Variants in VAT1L observed in about 807,000 individuals in gnomAD.
VAT1L encodes the protein putative NADPH-dependent quinone oxidoreductase VAT1L.
In VAT1L, 34 loss-of-function variants were observed where a neutral mutation model predicts 44.1. The observed-to-expected ratio is 0.77, with a 90% CI of 0.59 to 1.03. VAT1L has a LOEUF of 1.03. Ranked by LOEUF, VAT1L falls within the 50% of genes least tolerant of loss-of-function variation. The pLI, the probability that VAT1L is intolerant of heterozygous loss-of-function variation, is 0.00. For synonymous variants in VAT1L, 253 were observed against 202.2 expected (o/e 1.25, Z -2.13); for missense variants, 615 against 538.8 (o/e 1.14, Z -1.40).
At position 77,788,729 on chromosome 16, in the gene VAT1L, T is replaced by C; in HGVS notation, c.47T>C (p.Ile16Thr). 2 of 1,558,152 alleles carry C rather than the reference T, an allele frequency of 1.3e-6. No individual in the cohort carries two copies. The highest frequency in any genetic ancestry group is 1.7e-6 in the Non-Finnish European group (2 of 1,150,498). Reference sequence around the variant, plus strand: ...AAGGCGGAGGAGACGGAGCAAATGATCGAGAAGGAGGCAGGCAAGGAGCCG... The same window carrying C: ...AAGGCGGAGGAGACGGAGCAAATGACCGAGAAGGAGGCAGGCAAGGAGCCG... ...VEKAEETEQM[I>T]EKEAGKEPAE... The change falls in exon 1 of 9, where the codon ATC becomes ACC. Residue 16 changes from isoleucine to threonine, a missense_variant. Physicochemically the swap from Ile to Thr is moderately conservative, Grantham distance 89 (BLOSUM62 -1). Transcript: ENST00000302536.
intron 2 of VAT1L, among the ~76,000 whole-genome samples, chr16:77,823,980 G>A (rs2016489461): frequency 6.6e-6 from 1 of 152,144 alleles, no homozygotes; most frequent in South Asian, 2.1e-4. Flanking sequence ...CTGAGATCGT[G>A]CCATTGCACT....
At chr16:77,910,015 T>G (rs994780716) in intron 7 of VAT1L, among the ~76,000 whole-genome samples, 1 of 152,200 alleles carries the variant, frequency 6.6e-6, no homozygotes, top group Non-Finnish European at 1.5e-5. Context: ...GAGGGCAGTT[T>G]TAGGAAACTT....
chr16:77,910,543 G>A lies in VAT1L; in HGVS notation c.1077+25741G>A, dbSNP rs116826429. Among the ~76,000 whole-genome samples the A allele has an allele frequency of 4.8e-3, 722 of 151,898 alleles. 5 individuals carry two copies. Among genetic ancestry groups the A allele is most frequent in the African/African-American group, 0.016 (668 of 41,444 alleles). On this transcript the variant is annotated intron_variant, in intron 7 of 8. Transcript: ENST00000302536. Reference sequence around the variant, plus strand: ...AAAAATATTAGCAGGGCATGGTGGCGGCTGCCTGCAGTCCTAGCTACTCGG... The same window carrying A: ...AAAAATATTAGCAGGGCATGGTGGCAGCTGCCTGCAGTCCTAGCTACTCGG...
At chr16:77,913,440 T>G (rs2017519224) in intron 7 of VAT1L, among the ~76,000 whole-genome samples, 1 of 151,868 alleles carries the variant, frequency 6.6e-6, no homozygotes, top group African/African-American at 2.4e-5. Context: ...CTTGTCAAAG[T>G]CAACAGGGAC....
chr16:77,943,560 C>T (rs540638485), intron 7 of VAT1L, among the ~76,000 whole-genome samples: 5 of 151,632 alleles, frequency 3.3e-5, no homozygotes, highest in Non-Finnish European at 7.4e-5. Flanking sequence ...CCACCACACC[C>T]GGCTAATTTA....
chr16:77,968,360 C>G (rs1347303410), intron 7 of VAT1L, among the ~76,000 whole-genome samples: 1 of 152,180 alleles, frequency 6.6e-6, no homozygotes, highest in African/African-American at 2.4e-5. Context: ...ATGCCGTAGA[C>G]AGAGTAGTGA....
chr16:77,793,466 A>T (rs1449572113), intron 1 of VAT1L, among the ~76,000 whole-genome samples: 3 of 152,164 alleles, frequency 2.0e-5, no homozygotes, highest in African/African-American at 7.2e-5. Flanking sequence ...AACTGATACA[A>T]GTCAGAACTG....
intron 7 of VAT1L, among the ~76,000 whole-genome samples, chr16:77,902,840 G>A (rs1413580478): frequency 6.6e-6 from 1 of 151,808 alleles, no homozygotes; most frequent in Admixed American, 6.6e-5. Flanking sequence ...GGGAATGGTT[G>A]TCCACTCCTG....
chr16:77,884,492 T>G lies in VAT1L; in HGVS notation c.883-116T>G. The G allele has an allele frequency of 1.0e-6, 1 of 959,688 alleles. No individual in the cohort carries two copies. Among genetic ancestry groups the G allele is most frequent in the East Asian group, 3.1e-5 (1 of 32,416 alleles). 59.4% of individuals were successfully genotyped at this position (959,688 alleles called of 1,614,324 possible). On this transcript the variant is annotated intron_variant, in intron 6 of 8. Transcript: ENST00000302536. The surrounding 1 kb of genome is among the most constrained non-coding windows in gnomAD (Gnocchi z 4.5). ...AGCAACCCCTTGGCCAGCTGGAATC[T>G]GCTGAGCTGCAGCCCCACGTTCCCC...
intron 1 of VAT1L, among the ~76,000 whole-genome samples, chr16:77,794,198 C>CA (rs1198708616): frequency 2.0e-5 from 3 of 152,112 alleles, no homozygotes; most frequent in Non-Finnish European, 4.4e-5. Flanking sequence ...GACGGGCACA[C>CA]AGACAGGAAT....
chr16:77,885,964 C>T (rs1303527257), intron 7 of VAT1L, among the ~76,000 whole-genome samples: 1 of 152,144 alleles, frequency 6.6e-6, no homozygotes, highest in Non-Finnish European at 1.5e-5. Context: ...GGCTTAAAAC[C>T]TTTAGCCACC....
chr16:77,901,757 A>T (rs2017386113), intron 7 of VAT1L, among the ~76,000 whole-genome samples: 1 of 152,190 alleles, frequency 6.6e-6, no homozygotes, highest in South Asian at 2.1e-4. Context: ...GAGAAGTTAC[A>T]TTAAATGAAC....
chr16:77,910,006 A>C (rs2017481850), intron 7 of VAT1L, among the ~76,000 whole-genome samples: 1 of 152,242 alleles, frequency 6.6e-6, no homozygotes, highest in Non-Finnish European at 1.5e-5. Flanking sequence ...ATTGCTAGAG[A>C]GGGCAGTTTT....
chr16:77,942,783 C>T (rs2017904997), intron 7 of VAT1L, among the ~76,000 whole-genome samples: 1 of 152,096 alleles, frequency 6.6e-6, no homozygotes, highest in Admixed American at 6.5e-5. Context: ...CTCACTCTGT[C>T]ACCCAGGCTA....
intron 7 of VAT1L, among the ~76,000 whole-genome samples, chr16:77,888,966 T>C (rs769601641): frequency 1.7e-4 from 26 of 152,336 alleles, no homozygotes; most frequent in Non-Finnish European, 2.5e-4. Flanking sequence ...CTGCCGGCTT[T>C]CTGCAATATC....
At chr16:77,970,432 G>A (rs530557805) in intron 7 of VAT1L, among the ~76,000 whole-genome samples, 1 of 152,256 alleles carries the variant, frequency 6.6e-6, no homozygotes, top group South Asian at 2.1e-4. Flanking sequence ...TGTTTTTATG[G>A]AGCTAGAGAT....
At chr16:77,897,054 A>G (rs1358464119) in intron 7 of VAT1L, among the ~76,000 whole-genome samples, 1 of 152,228 alleles carries the variant, frequency 6.6e-6, no homozygotes, top group African/African-American at 2.4e-5. Context: ...ACCAGTTTCA[A>G]GATTTTTCCA....
At chr16:77,846,135 G>A (rs1053980875) in intron 3 of VAT1L, among the ~76,000 whole-genome samples, 2 of 152,164 alleles carry the variant, frequency 1.3e-5, no homozygotes, top group African/African-American at 2.4e-5. Context: ...TAATGATAAT[G>A]AGGTTCTTAA....
chr16:77,868,894 T>G (rs1358196568), intron 4 of VAT1L, among the ~76,000 whole-genome samples: 1 of 152,114 alleles, frequency 6.6e-6, no homozygotes, highest in Non-Finnish European at 1.5e-5. Flanking sequence ...CCCCCTGCCC[T>G]TCAAGTCATG....
Sources: gnomAD v4.1 joint callset for allele counts (sites outside exome capture counted in the v4.1 genomes callset) on GRCh38, gnomAD v4.1.1 for gene constraint, Gnocchi (gnomAD v3.1) non-coding constraint, MANE v1.5 for transcripts, NCBI Gene and HGNC (gene_info 2026-07-23, HGNC 2026-07-21) for gene names.